CD226: variants seen among roughly 807,000 people sequenced by gnomAD.
The protein encoded by CD226 is CD226 molecule.
In CD226, 24 loss-of-function variants were observed where a neutral mutation model predicts 34.9. The observed-to-expected ratio is 0.69, with a 90% CI of 0.50 to 0.97. The LOEUF (loss-of-function observed/expected upper bound fraction) is 0.97, where lower values mean the gene tolerates loss of function less well. Ranked by LOEUF, CD226 falls within the 50% of genes least tolerant of loss-of-function variation. CD226 has a pLI of 0.00. For missense variants in CD226, 397 were observed against 412.7 expected, an observed-to-expected ratio of 0.96 and a Z score of 0.33; for synonymous variants, 148 against 147.4, an observed-to-expected ratio of 1.00 and a Z score of -0.03.
chr18:69,936,356 C>A (rs1186171353), intron 2 of CD226, among the ~76,000 whole-genome samples: 3 of 152,206 alleles, frequency 2.0e-5, no homozygotes, highest in Non-Finnish European at 2.9e-5. Context: ...ATAAAAACAA[C>A]CTTGGCACAC....
intron 5 of CD226, among the ~76,000 whole-genome samples, chr18:69,865,991 G>C (rs2145174766): frequency 6.7e-6 from 1 of 148,404 alleles, no homozygotes; most frequent in South Asian, 2.2e-4. Context: ...GGAAGTCCAA[G>C]ATTAAGAAAA....
At chr18:69,949,200 C>T (rs1037975503), upstream of CD226, among the ~76,000 whole-genome samples, 2 of 152,154 alleles carry the variant, frequency 1.3e-5, no homozygotes, top group African/African-American at 4.8e-5. Context: ...GCACCCAGCA[C>T]AATTCCTCAG....
At chr18:69,884,824 T>C (rs900349295) in intron 3 of CD226, among the ~76,000 whole-genome samples, 3 of 152,230 alleles carry the variant, frequency 2.0e-5, no homozygotes, top group African/African-American at 4.8e-5. Context: ...GAAGACTAGT[T>C]ATCATTCATC....
intron 3 of CD226, among the ~76,000 whole-genome samples, chr18:69,877,300 C>T (rs891149556): frequency 2.6e-5 from 4 of 152,098 alleles, no homozygotes; most frequent in African/African-American, 9.7e-5. Context: ...AAGGATATTG[C>T]AAGGGATACA....
At chr18:69,951,293 A>C (rs1331737711), upstream of CD226, among the ~76,000 whole-genome samples, 1 of 151,982 alleles carries the variant, frequency 6.6e-6, no homozygotes. Context: ...ACTATGATTG[A>C]TTTGAGGGGT....
intron 2 of CD226, among the ~76,000 whole-genome samples, chr18:69,905,725 A>G (rs559508382): frequency 4.6e-5 from 7 of 152,356 alleles, no homozygotes; most frequent in East Asian, 3.9e-4. Context: ...ACACAAGCAG[A>G]TAATTGCTGT....
intron 3 of CD226, among the ~76,000 whole-genome samples, chr18:69,878,215 TA>T (rs1457045759): frequency 6.6e-6 from 1 of 152,244 alleles, no homozygotes; most frequent in Admixed American, 6.5e-5. Context: ...ATTTTTTTGC[TA>T]ACTTTTTTCA....
intron 2 of CD226, among the ~76,000 whole-genome samples, chr18:69,915,793 C>T (rs1267112336): frequency 2.0e-5 from 3 of 152,106 alleles, no homozygotes; most frequent in Non-Finnish European, 4.4e-5. Context: ...TTTTCCTCTA[C>T]AATTGCCTTC....
In CD226 at chr18:69,896,014, G is replaced by A. The variant is rs756696035; in HGVS notation, c.414C>T (p.Ser138=). 1 of 1,611,626 alleles carries A rather than the reference G, an allele frequency of 6.2e-7. No individual in the cohort carries two copies. ...TCTTTCCAGGTTCCGAAACAATGTGGCTATTTGATGGCACAGCTGCCTCAA... is the reference window on the plus strand; with the variant it reads ...TCTTTCCAGGTTCCGAAACAATGTGACTATTTGATGGCACAGCTGCCTCAA... ...DSFEAAVPSN[S]HIVSEPGKNV... Residue 138 remains serine, a synonymous_variant, in exon 3 of 6, where the codon AGC becomes AGT. Transcript: ENST00000582621.
intron 2 of CD226, among the ~76,000 whole-genome samples, chr18:69,902,850 T>C (rs897749502): frequency 3.9e-5 from 6 of 152,110 alleles, no homozygotes; most frequent in Non-Finnish European, 5.9e-5. Flanking sequence ...GAAATGATGA[T>C]AGTAGTAGCT....
Position 69,855,704 on chromosome 18 carries a change from T to C in CD226, c.*8610A>G, listed in dbSNP as rs1982592058. The C allele has an allele frequency of 6.6e-6, 1 of 150,736 alleles. No homozygotes were observed. The highest frequency in any genetic ancestry group is 1.5e-5 in the Non-Finnish European group (1 of 67,754). 9.3% of individuals were successfully genotyped at this position (150,736 alleles called of 1,614,324 possible). A position where few individuals can be genotyped will look rare whatever the true frequency, so the allele number is the denominator to read the frequency against. Reference sequence around the variant, plus strand: ...TGCCACGAGAGAAAATTAAATCATGTAAAAACCCCAGTTAAAATCAGAGAA... The same window carrying C: ...TGCCACGAGAGAAAATTAAATCATGCAAAAACCCCAGTTAAAATCAGAGAA... On this transcript the variant is annotated 3_prime_UTR_variant, in exon 6 of 6. Coordinates refer to ENST00000582621, the MANE Select transcript of CD226 (RefSeq NM_001303618.2).
intron 2 of CD226, among the ~76,000 whole-genome samples, chr18:69,939,317 T>C (rs1377479175): frequency 6.6e-6 from 1 of 152,252 alleles, no homozygotes; most frequent in Non-Finnish European, 1.5e-5. Context: ...TGTTTAATTA[T>C]GCATATTTCT....
intron 2 of CD226, among the ~76,000 whole-genome samples, chr18:69,903,814 C>T (rs2055216949): frequency 2.0e-5 from 3 of 152,128 alleles, no homozygotes; most frequent in Admixed American, 2.0e-4. Context: ...GATACCTTCA[C>T]TTTGGACTTC....
At chr18:69,892,454 T>G (rs1041004808) in intron 3 of CD226, among the ~76,000 whole-genome samples, 5 of 152,212 alleles carry the variant, frequency 3.3e-5, no homozygotes, top group Non-Finnish European at 7.3e-5. Flanking sequence ...GTCCCCACTT[T>G]CCTTGCCCTT....
chr18:69,869,386 A>G (rs1983361815), intron 4 of CD226, among the ~76,000 whole-genome samples: 1 of 152,222 alleles, frequency 6.6e-6, no homozygotes, highest in African/African-American at 2.4e-5. Flanking sequence ...CATTATCCTT[A>G]GCAAACTCAT....
At chr18:69,906,349 TCA>T (rs1239405330) in intron 2 of CD226, among the ~76,000 whole-genome samples, 1 of 152,232 alleles carries the variant, frequency 6.6e-6, no homozygotes, top group Non-Finnish European at 1.5e-5. Flanking sequence ...AATCAGAGGT[TCA>T]CCATTGCTAA....
chr18:69,867,463 T>C, intron 4 of CD226, 52 bp from the exon 5 acceptor site: 1 of 1,199,640 alleles, frequency 8.3e-7, no homozygotes, highest in South Asian at 1.2e-5. Flanking sequence ...CCAGTACTAA[T>C]ATTATTTCGA....
Position 69,864,171 on chromosome 18 carries a change from A to T in CD226, c.*143T>A, listed in dbSNP as rs1357118306. 1.5e-6 allele frequency: 1 copy of T among 668,210 alleles called. No homozygotes were observed. Among genetic ancestry groups the T allele is most frequent in the Admixed American group, 3.0e-5 (1 of 33,526 alleles). 41.4% of individuals were successfully genotyped at this position (668,210 alleles called of 1,614,324 possible). ...AGTTCTATGAAAAATGATTTTAGGT[A>T]ATGAAGTATTTTTCCTATCAAAGTA... is the stretch of plus-strand genomic sequence containing the variant. On this transcript the variant is annotated 3_prime_UTR_variant, in exon 6 of 6. Transcript: ENST00000582621.
At position 69,858,533 on chromosome 18, in the gene CD226, A is replaced by C. The variant is rs1982676136; in HGVS notation, c.*5781T>G. 6.6e-6 allele frequency: 1 copy of C among 152,060 alleles called. No homozygotes were observed. Among genetic ancestry groups the C allele is most frequent in the African/African-American group, 2.4e-5 (1 of 41,408 alleles). 9.4% of individuals were successfully genotyped at this position (152,060 alleles called of 1,614,324 possible). A position where few individuals can be genotyped will look rare whatever the true frequency, so the allele number is the denominator to read the frequency against. On this transcript the variant is annotated 3_prime_UTR_variant, in exon 6 of 6. Transcript: ENST00000582621. Reference sequence around the variant, plus strand: ...GGACTCATCCGAACGTGGGGTACTGATGCTGCTCAGATTCACTGCCCTGTG... The same window carrying C: ...GGACTCATCCGAACGTGGGGTACTGCTGCTGCTCAGATTCACTGCCCTGTG...
Sources: allele counts gnomAD v4.1 joint callset (sites outside exome capture counted in the v4.1 genomes callset), GRCh38; gene constraint gnomAD v4.1.1; transcripts MANE v1.5; gene names NCBI Gene and HGNC (gene_info 2026-07-23, HGNC 2026-07-21).